Variants in COQ8A observed in about 807,000 individuals in gnomAD.
COQ8A encodes the protein atypical kinase COQ8A, mitochondrial.
In COQ8A, 51 loss-of-function variants were observed where a neutral mutation model predicts 65.0. The observed-to-expected ratio is 0.78, with a 90% CI of 0.63 to 0.99. The LOEUF is 0.99. COQ8A is among the 50% of genes least tolerant of loss of function. COQ8A has a pLI of 0.00. For synonymous variants in COQ8A, 371 were observed against 353.2 expected (o/e 1.05, Z -0.57); for missense variants, 940 against 875.0 (o/e 1.07, Z -0.94).
At chr1:226,969,581 T>G (rs565432051) in intron 4 of COQ8A, among the ~76,000 whole-genome samples, 2 of 151,896 alleles carry the variant, frequency 1.3e-5, no homozygotes, top group East Asian at 3.9e-4. Context: ...GACCCTTCAT[T>G]CTTATGTTAT....
In COQ8A at chr1:226,976,411, G is replaced by A. The variant is rs144395746; in HGVS notation, c.656-1038G>A. Among the ~76,000 whole-genome samples, 893 of 151,644 alleles carry A rather than the reference G, an allele frequency of 5.9e-3. 2 individuals are homozygous for A. Among genetic ancestry groups the A allele is most frequent in the Admixed American group, 0.012 (176 of 15,246 alleles). ...GACTGCGGGGCTGTGGGACTGCGAT[G>A]TTGCCTGGCTTCGGGGCTGCGGGGC... On this transcript the variant is annotated intron_variant, in intron 4 of 14. Transcript: ENST00000366777.
At position 226,965,215 on chromosome 1, in the gene COQ8A, C is replaced by T. The variant is rs370659820; in HGVS notation, c.393C>T (p.Pro131=). Residue 131 remains proline, a synonymous_variant, in exon 3 of 15, where the codon CCC becomes CCT. Coordinates refer to ENST00000366777, the MANE Select transcript of COQ8A (RefSeq NM_020247.5). ...GACCCTTTAGAGAAGCCGGGTTCCC[C>T]GGCCAGGCCTCCTCCCCTCTGGGCA... ...ASGPFREAGF[P]GQASSPLGRA... The T allele has an allele frequency of 3.2e-5, 51 of 1,613,650 alleles. No individual in the cohort carries two copies. In the African/African-American group the frequency reaches 3.7e-4, roughly 12 times the overall value.
At chr1:226,982,539 G>A in intron 6 of COQ8A, 139 bp from the exon 7 acceptor site, 1 of 934,404 alleles carries the variant, frequency 1.1e-6, no homozygotes, top group South Asian at 1.3e-5. Context: ...GTGTGCGAGG[G>A]CTCCTGTCTT....
chr1:226,956,013 C>G (rs527358587), intron 1 of COQ8A, among the ~76,000 whole-genome samples: 11 of 134,908 alleles, frequency 8.2e-5, no homozygotes, highest in East Asian at 2.4e-4. Context: ...CTCCCTGGCT[C>G]CCACTCTCCC....
intron 1 of COQ8A, among the ~76,000 whole-genome samples, chr1:226,956,493 C>T (rs1657770821): frequency 8.2e-6 from 1 of 121,436 alleles, no homozygotes; most frequent in African/African-American, 3.6e-5. Context: ...CTGGCTCCCA[C>T]TCTCCCTGGT....
chr1:226,965,707 A>G lies in COQ8A; in HGVS notation c.625A>G (p.Thr209Ala). Residue 209 changes from threonine to alanine, a missense_variant, in exon 4 of 15, where the codon ACG becomes GCG. Thr to Ala is a moderately conservative substitution (Grantham distance 58). Transcript: ENST00000366777. ...EHARERKVPV[T>A]RIGRLANFGG... ...TGCCCGGGAGCGGAAGGTGCCTGTGACGAGGATTGGCCGGCTGGCCAACTT... is the reference window on the plus strand; with the variant it reads ...TGCCCGGGAGCGGAAGGTGCCTGTGGCGAGGATTGGCCGGCTGGCCAACTT... 6.2e-7 allele frequency: 1 copy of G among 1,613,948 alleles called. No individual in the cohort carries two copies. Among genetic ancestry groups the G allele is most frequent in the Non-Finnish European group, 8.5e-7 (1 of 1,180,004 alleles).
At chr1:226,945,136 G>C (rs1306554832) in intron 1 of COQ8A, among the ~76,000 whole-genome samples, 2 of 152,202 alleles carry the variant, frequency 1.3e-5, no homozygotes, top group Non-Finnish European at 2.9e-5. Context: ...GGGATGCATG[G>C]CCCTTTCCTA....
intron 14 of COQ8A, 45 bp downstream of exon 14, chr1:226,985,385 C>A: frequency 1.3e-6 from 2 of 1,592,084 alleles, no homozygotes; most frequent in Non-Finnish European, 1.7e-6. Context: ...TGACCCAGGG[C>A]CCGGCTCCCT....
At chr1:226,952,151 C>T (rs780844269) in intron 1 of COQ8A, among the ~76,000 whole-genome samples, 4 of 152,140 alleles carry the variant, frequency 2.6e-5, no homozygotes, top group African/African-American at 7.2e-5. Flanking sequence ...CCCACTGTCC[C>T]GAGAAGGGCA....
intron 1 of COQ8A, among the ~76,000 whole-genome samples, chr1:226,952,234 CT>C (rs1572023608): frequency 6.6e-6 from 1 of 152,190 alleles, no homozygotes; most frequent in Non-Finnish European, 1.5e-5. Flanking sequence ...CAGTTGTCTT[CT>C]GATGAAGGAC....
Position 226,982,947 on chromosome 1 carries a change from C to A in COQ8A, c.993C>A (p.Phe331Leu). The A allele has an allele frequency of 6.2e-7, 1 of 1,609,630 alleles. No individual in the cohort carries two copies. The highest frequency in any genetic ancestry group is 8.5e-7 in the Non-Finnish European group (1 of 1,178,494). Residue 331 changes from phenylalanine to leucine, a missense_variant, in exon 8 of 15, where the codon TTC becomes TTA. Coordinates refer to ENST00000366777, the MANE Select transcript of COQ8A (RefSeq NM_020247.5). ...ACTGGCGGGACAAGTTGGAATACTT[C>A]GAGGAGCGGCCCTTCGCCGCCGCAT... ...GPNWRDKLEY[F>L]EERPFAAASI...
At position 226,982,733 on chromosome 1, in the gene COQ8A, C is replaced by T. The variant is rs202036077; in HGVS notation, c.909C>T (p.Ser303=). ...AGATCTTCGAGCGGGTGCGGCAGAG[C>T]GCGGACTTCATGCCACTGAAGCAGA... ...LAKIFERVRQ[S]ADFMPLKQMM... The change falls in exon 7 of 15, where the codon AGC becomes AGT. Residue 303 remains serine, a synonymous_variant. Coordinates refer to ENST00000366777, the MANE Select transcript of COQ8A (RefSeq NM_020247.5). 74 of 1,613,690 alleles carry T rather than the reference C, an allele frequency of 4.6e-5. No individual in the cohort carries two copies. The Admixed American group carries it at 1.0e-3, about 22-fold the overall frequency.
chr1:226,961,370 C>A lies in COQ8A; in HGVS notation c.-9-7C>A. 6.2e-7 allele frequency: 1 copy of A among 1,613,454 alleles called. No individual in the cohort carries two copies. The highest frequency in any genetic ancestry group is 1.1e-5 in the South Asian group (1 of 91,072). On this transcript the variant is annotated splice_polypyrimidine_tract_variant and splice_region_variant and intron_variant, in intron 1 of 14. Transcript: ENST00000366777. The stretch of plus-strand genomic sequence containing the variant: ...GGCCTCCCCTGACTTGGCCTCCTCT[C>A]TTCCAGCCCTGAAGGATGGCTGCCA...
Position 226,985,278 on chromosome 1 carries a change from G to A in COQ8A, c.1597G>A (p.Asp533Asn). 1.2e-6 allele frequency: 2 copies of A among 1,613,830 alleles called. No homozygotes were observed. Among genetic ancestry groups the A allele is most frequent in the Non-Finnish European group, 1.7e-6 (2 of 1,180,032 alleles). Residue 533 changes from aspartate to asparagine, a missense_variant, in exon 14 of 15, where the codon GAC becomes AAC. Coordinates refer to ENST00000366777, the MANE Select transcript of COQ8A (RefSeq NM_020247.5). ...IQIIRAAADR[D>N]RETVRAKSIE... ...GATCATCAGGGCTGCTGCCGACAGG[G>A]ACAGGGAGACTGTGCGGGCGAAATC...
intron 1 of COQ8A, among the ~76,000 whole-genome samples, chr1:226,945,922 T>C (rs1026463664): frequency 6.6e-6 from 1 of 152,194 alleles, no homozygotes. Context: ...TAAAAATCAC[T>C]TTTTGAACAG....
At chr1:226,973,243 T>C (rs1442730010) in intron 4 of COQ8A, among the ~76,000 whole-genome samples, 5 of 152,266 alleles carry the variant, frequency 3.3e-5, no homozygotes, top group Admixed American at 3.3e-4. Context: ...CCAAGAGTTC[T>C]GCACCCTCAG....
Position 226,957,281 on chromosome 1 carries a change from GCCC to G in COQ8A, c.-9-4085_-9-4083del, listed in dbSNP as rs552731385. ...ACTCTCCCAGATTCACACTCTCCCT[GCCC>G]CCCCCCCCCCACCTCCCTGGTTCAC... On this transcript the variant is annotated intron_variant, in intron 1 of 14. Transcript: ENST00000366777. Among the ~76,000 whole-genome samples, 131 of 29,226 alleles carry G rather than the reference GCCC, an allele frequency of 4.5e-3. 9 individuals carry two copies. The highest frequency in any genetic ancestry group is 0.014 in the African/African-American group (117 of 8,220). 19.2% of individuals were successfully genotyped at this position (29,226 alleles called of 152,430 possible).
chr1:226,983,200 C>A, intron 8 of COQ8A, 166 bp downstream of exon 8: 1 of 1,116,782 alleles, frequency 9.0e-7, no homozygotes, highest in Non-Finnish European at 1.2e-6. Flanking sequence ...GCACCAGAAG[C>A]TTGGGAAGTA....
chr1:226,965,078 G>A lies in COQ8A; in HGVS notation c.256G>A (p.Ala86Thr). 2 of 1,613,962 alleles carry A rather than the reference G, an allele frequency of 1.2e-6. No homozygotes were observed. The highest frequency in any genetic ancestry group is 1.7e-6 in the Non-Finnish European group (2 of 1,180,034). The change falls in exon 3 of 15, where the codon GCA (alanine) becomes ACA (threonine). Residue 86 changes from alanine to threonine, a missense_variant. Transcript: ENST00000366777. ...EGEFHFSVPH[A>T]AGASTDFSSA... The stretch of plus-strand genomic sequence containing the variant: ...GGAGTTCCACTTCTCAGTCCCGCAT[G>A]CAGCCGGAGCCTCCACAGACTTCTC...
Sources: allele counts gnomAD v4.1 joint callset (sites outside exome capture counted in the v4.1 genomes callset), GRCh38; gene constraint gnomAD v4.1.1; transcripts MANE v1.5; gene names NCBI Gene and HGNC (gene_info 2026-07-23, HGNC 2026-07-21).